Variants in ITGAE observed in about 807,000 individuals in gnomAD.
The protein encoded by ITGAE is integrin subunit alpha E.
ITGAE carries 99 observed loss-of-function variants against 136.5 expected under a neutral mutation model. That is an observed-to-expected ratio of 0.73 (90% CI 0.62 to 0.86). The LOEUF (loss-of-function observed/expected upper bound fraction) is 0.86. Among genes scored for constraint, ITGAE ranks in the 40% least tolerant of loss-of-function variants. The probability of loss-of-function intolerance (pLI) is 0.00; values close to 1 mark genes in which losing one functional copy is unlikely to be tolerated. For missense variants in ITGAE, 1,447 were observed against 1,515.3 expected (o/e 0.95, Z 0.75); for synonymous variants, 613 against 591.8 (o/e 1.04, Z -0.52).
At chr17:3,757,342 A>T (rs2052053438) in intron 9 of ITGAE, among the ~76,000 whole-genome samples, 2 of 151,936 alleles carry the variant, frequency 1.3e-5, no homozygotes, top group Non-Finnish European at 1.5e-5. Flanking sequence ...GAATACACCA[A>T]GCTCCTCCTC....
chr17:3,760,122 G>A (rs1217872764), intron 7 of ITGAE, 50 bp downstream of exon 7: 1 of 1,066,556 alleles, frequency 9.4e-7, no homozygotes, highest in East Asian at 2.4e-5. Flanking sequence ...TCTGAGGTAG[G>A]GTGATTCTCA....
chr17:3,798,103 A>G lies in ITGAE; in HGVS notation c.34+3008T>C, dbSNP rs1344735243. Among the ~76,000 whole-genome samples the G allele has an allele frequency of 6.6e-6, 1 of 152,056 alleles. No homozygotes were observed. Among genetic ancestry groups the G allele is most frequent in the Non-Finnish European group, 1.5e-5 (1 of 68,010 alleles). On this transcript the variant is annotated intron_variant, in intron 1 of 30. Coordinates refer to ENST00000263087, the MANE Select transcript of ITGAE (RefSeq NM_002208.5). This position sits in a 1 kb window ranked among gnomAD's most constrained non-coding sequence, Gnocchi z 4.3. ...GCAGGCCTCCCAGAGAAGGGCAGGGATGTGGGGCTCCCACACGGCCCACAC... is the reference window on the plus strand; with the variant it reads ...GCAGGCCTCCCAGAGAAGGGCAGGGGTGTGGGGCTCCCACACGGCCCACAC...
At position 3,732,360 on chromosome 17, in the gene ITGAE, C is replaced by T. The variant is rs374306533; in HGVS notation, c.2754+8G>A. 40 of 1,608,930 alleles carry T rather than the reference C, an allele frequency of 2.5e-5. 1 individual carries two copies. In the Middle Eastern group the frequency reaches 2.3e-3, roughly 94 times the overall value. On this transcript the variant is annotated splice_region_variant and intron_variant, in intron 22 of 30. Coordinates refer to ENST00000263087, the MANE Select transcript of ITGAE (RefSeq NM_002208.5). ...GTGAGAAGAGCGAATCAGTCCAAAC[C>T]GACTCACAGATGACCTCTTGAGGAC...
At chr17:3,743,005 C>G (rs2051622875) in intron 19 of ITGAE, among the ~76,000 whole-genome samples, 1 of 152,222 alleles carries the variant, frequency 6.6e-6, no homozygotes. Flanking sequence ...TGATGGGCAC[C>G]AGGAGGAGAG....
chr17:3,764,271 C>A (rs1456420940), intron 2 of ITGAE, among the ~76,000 whole-genome samples: 1 of 152,154 alleles, frequency 6.6e-6, no homozygotes, highest in Admixed American at 6.6e-5. Context: ...GCCAGAAAAC[C>A]ACCAGCGTTG....
At chr17:3,756,679 A>G (rs1385473920) in intron 10 of ITGAE, among the ~76,000 whole-genome samples, 3 of 152,274 alleles carry the variant, frequency 2.0e-5, no homozygotes, top group South Asian at 4.1e-4. Context: ...TGTTGGGATT[A>G]TGGGCGTGAG....
intron 16 of ITGAE, among the ~76,000 whole-genome samples, chr17:3,749,006 G>C (rs2051791760): frequency 6.6e-6 from 1 of 152,178 alleles, no homozygotes; most frequent in South Asian, 2.1e-4. Context: ...TGGAGCGCAG[G>C]GGCTGGAAGC....
intron 28 of ITGAE, 182 bp from the exon 29 acceptor site, chr17:3,720,584 C>CT (rs66495360): frequency 0.078 from 25,098 of 320,140 alleles, 3,901 homozygotes; most frequent in African/African-American, 0.43. Context: ...CTTCAACTTC[C>CT]TTTTTTTTTT....
rs918042834 is a variant in ITGAE, at chr17:3,792,040, G to C, written c.34+9071C>G. Among the ~76,000 whole-genome samples, 8 of 152,256 alleles carry C rather than the reference G, an allele frequency of 5.3e-5. 1 individual carries two copies. Among genetic ancestry groups the C allele is most frequent in the East Asian group, 1.9e-4 (1 of 5,190 alleles). On this transcript the variant is annotated intron_variant, in intron 1 of 30. Transcript: ENST00000263087. The stretch of plus-strand genomic sequence containing the variant: ...CCTGGGGAGATGGCTCTGAGGCCAG[G>C]CTCTGGATCTCTCATCCCTGCATTT...
intron 3 of ITGAE, among the ~76,000 whole-genome samples, chr17:3,762,684 G>A (rs1029904979): frequency 7.4e-6 from 1 of 135,398 alleles, no homozygotes; most frequent in African/African-American, 2.8e-5. Context: ...TGCAAGCTCC[G>A]CCTCCCAGGT....
chr17:3,762,248 G>A (rs1233218151), intron 3 of ITGAE, among the ~76,000 whole-genome samples: 5 of 152,210 alleles, frequency 3.3e-5, no homozygotes, highest in African/African-American at 1.2e-4. Flanking sequence ...CCTTGTGAGC[G>A]TGGTGATGGG....
intron 1 of ITGAE, among the ~76,000 whole-genome samples, chr17:3,780,463 T>C (rs1476719729): frequency 1.4e-5 from 2 of 145,774 alleles, no homozygotes; most frequent in South Asian, 4.4e-4. Context: ...GCGCCTGGCC[T>C]AATTTTGTAT....
At chr17:3,747,853 T>A in intron 17 of ITGAE, 69 bp downstream of exon 17, 1 of 413,110 alleles carries the variant, frequency 2.4e-6, no homozygotes. Flanking sequence ...CCTCTTTCCC[T>A]GCCCCTTACA....
At chr17:3,796,164 T>TGC (rs1567565822) in intron 1 of ITGAE, among the ~76,000 whole-genome samples, 34 of 34,642 alleles carry the variant, frequency 9.8e-4, no homozygotes, top group African/African-American at 4.7e-3. Flanking sequence ...TGTGTGTGTG[T>TGC]GCATCCGTGT....
chr17:3,743,519 G>C lies in ITGAE; in HGVS notation c.2418C>G (p.Asp806Glu). Residue 806 changes from aspartate to glutamate, a missense_variant, in exon 19 of 31, where the codon GAC (aspartate) becomes GAG (glutamate). By Grantham distance (45) the Asp-to-Glu change is conservative (BLOSUM62 2). Transcript: ENST00000263087. ...AGATGGCAAAGGGCTCAGTGTAGCGGTCCAGGATGGGCTGGGGATGGTCCG... is the reference window on the plus strand; with the variant it reads ...AGATGGCAAAGGGCTCAGTGTAGCGCTCCAGGATGGGCTGGGGATGGTCCG... ...GQTDHPQPIL[D>E]RYTEPFAIFQ... The C allele has an allele frequency of 1.2e-6, 2 of 1,610,204 alleles. No individual in the cohort carries two copies.
intron 2 of ITGAE, among the ~76,000 whole-genome samples, chr17:3,777,204 G>A (rs942304427): frequency 2.2e-4 from 33 of 151,006 alleles, no homozygotes; most frequent in African/African-American, 2.2e-4. Flanking sequence ...CTCGTGATCC[G>A]CCCGCCTCGG....
At chr17:3,718,248 T>C (rs1024360297) in intron 29 of ITGAE, 5 of 152,240 alleles carry the variant, frequency 3.3e-5, no homozygotes, top group Admixed American at 3.3e-4. Context: ...TAAGAGGATG[T>C]CTCCTGGGAG....
At chr17:3,750,597 C>T (rs2051841715) in intron 15 of ITGAE, 115 bp from the exon 16 acceptor site, 1 of 1,271,338 alleles carries the variant, frequency 7.9e-7, no homozygotes, top group East Asian at 2.5e-5. Context: ...CCCAGGGAGC[C>T]CCGAGTCTAG....
Position 3,757,743 on chromosome 17 carries a change from G to A in ITGAE, c.983C>T (p.Ser328Phe), listed in dbSNP as rs1427566077. The A allele has an allele frequency of 1.2e-6, 2 of 1,614,160 alleles. No individual in the cohort carries two copies. Among genetic ancestry groups the A allele is most frequent in the South Asian group, 1.1e-5 (1 of 91,074 alleles). ...DPLNLTTVIN[S>F]PKMQGVERFA... ...GCGCTCAACACCCTGCATTTTGGGG[G>A]AGTTGATGACTGTCGTAAGGTTGAG... is the stretch of plus-strand genomic sequence containing the variant. Residue 328 changes from serine to phenylalanine, a missense_variant, in exon 9 of 31, where the codon TCC becomes TTC. Coordinates refer to ENST00000263087, the MANE Select transcript of ITGAE (RefSeq NM_002208.5).
Sources: allele counts gnomAD v4.1 joint callset (sites outside exome capture counted in the v4.1 genomes callset), GRCh38; gene constraint gnomAD v4.1.1; non-coding constraint Gnocchi (gnomAD v3.1); transcripts MANE v1.5; gene names NCBI Gene and HGNC (gene_info 2026-07-23, HGNC 2026-07-21).